WDFY4: variants seen among roughly 807,000 people sequenced by gnomAD.
The protein encoded by WDFY4 is WDFY family member 4, also known as WD repeat- and FYVE domain-containing protein 4.
WDFY4 carries 169 observed loss-of-function variants against 351.9 expected under a neutral mutation model. That is an observed-to-expected ratio of 0.48 (90% CI 0.42 to 0.55). The LOEUF is 0.55. WDFY4 is among the 20% of genes least tolerant of loss of function. The pLI is 0.00. For missense variants in WDFY4, 3,803 were observed against 3,935.6 expected (o/e 0.97, Z 0.90); for synonymous variants, 1,622 against 1,574.6 (o/e 1.03, Z -0.71).
In WDFY4 at chr10:48,828,863, G is replaced by A. The variant is rs2068089044; in HGVS notation, c.6307G>A (p.Glu2103Lys). 7.3e-7 allele frequency: 1 copy of A among 1,372,908 alleles called. No individual in the cohort carries two copies. The highest frequency in any genetic ancestry group is 4.0e-5 in the East Asian group (1 of 25,308). The allele number at this position is 1,372,908 out of a possible 1,614,324, so 85.0% of individuals were successfully genotyped here. Residue 2103 changes from glutamate (E) to lysine (K), a missense_variant, in exon 37 of 62, where the codon GAA becomes AAA. Physicochemically the swap from Glu to Lys is moderately conservative, Grantham distance 56. Coordinates refer to ENST00000325239, the MANE Select transcript of WDFY4 (RefSeq NM_001394531.1). ...VFLSPNEDVK[E>K]KREDLPSLSD... The stretch of plus-strand genomic sequence containing the variant: ...CCTTTCCCCAAATGAAGACGTGAAA[G>A]AAAAAAGAGAAGACTTACCAAGTTT...
In WDFY4 at chr10:48,743,110, C is replaced by G; in HGVS notation, c.2021C>G (p.Pro674Arg). ...PPLQAWGAVS[P>R]RQTLELVLYT... ...CTGCAGGCATGGGGAGCAGTATCCC[C>G]CAGACAGACCCTGGAGCTGGTTTTG... Residue 674 changes from proline to arginine, a missense_variant, in exon 12 of 62, where the codon CCC (proline) becomes CGC (arginine). Pro to Arg is a moderately radical substitution (Grantham distance 103). This residue lies in a region of WDFY4 where 3,054 missense variants were observed against 3,148.6 expected (regional missense o/e 0.97). Coordinates refer to ENST00000325239, the MANE Select transcript of WDFY4 (RefSeq NM_001394531.1). 6.4e-7 allele frequency: 1 copy of G among 1,551,704 alleles called. No homozygotes were observed. Among genetic ancestry groups the G allele is most frequent in the Non-Finnish European group, 8.7e-7 (1 of 1,146,986 alleles).
rs1044164416 is a variant in WDFY4, at chr10:48,867,333, C to T, written c.6732C>T (p.Asp2244=). The T allele has an allele frequency of 3.3e-6, 5 of 1,495,862 alleles. No individual in the cohort carries two copies. In the African/African-American group the frequency reaches 7.0e-5, roughly 21 times the overall value. The allele number at this position is 1,495,862 out of a possible 1,614,324, so 92.7% of individuals were successfully genotyped here. A position where few individuals can be genotyped will look rare whatever the true frequency, so the allele number is the denominator to read the frequency against. ...AGCTATATGCATCTTTATACAAAGA[C>T]CATGTGCAAGTAAGAAACAAAACAT... ...GQELYASLYK[D]HVQRRKCGNI... is the part of the protein sequence containing the mutation. Residue 2244 remains aspartate (D), a synonymous_variant, in exon 40 of 62, where the codon GAC becomes GAT. Coordinates refer to ENST00000325239, the MANE Select transcript of WDFY4 (RefSeq NM_001394531.1).
chr10:48,942,534 C>T (rs1005524709), intron 48 of WDFY4, among the ~76,000 whole-genome samples: 8 of 152,202 alleles, frequency 5.3e-5, no homozygotes, highest in African/African-American at 1.9e-4. Context: ...GGAAGATACA[C>T]GTGGCTCCCA....
In WDFY4 at chr10:48,969,092, G is replaced by A. The variant is rs1328466260; in HGVS notation, c.8613G>A (p.Glu2871=). Reference sequence around the variant, plus strand: ...TGTACCTCTTTTCTCTAGGCTCAGAGTCCCCCAAAGGGGCCATTGGCCACA... The same window carrying A: ...TGTACCTCTTTTCTCTAGGCTCAGAATCCCCCAAAGGGGCCATTGGCCACA... ...KDMYLFSLGS[E]SPKGAIGHIV... Residue 2871 remains glutamate, a synonymous_variant, in exon 56 of 62, where the codon GAG becomes GAA. Coordinates refer to ENST00000325239, the MANE Select transcript of WDFY4 (RefSeq NM_001394531.1). 1 of 1,551,582 alleles carries A rather than the reference G, an allele frequency of 6.4e-7. No individual in the cohort carries two copies. The highest frequency in any genetic ancestry group is 8.7e-7 in the Non-Finnish European group (1 of 1,146,870).
intron 12 of WDFY4, among the ~76,000 whole-genome samples, chr10:48,757,455 G>A (rs1485274033): frequency 6.6e-6 from 1 of 151,942 alleles, no homozygotes; most frequent in Non-Finnish European, 1.5e-5. Flanking sequence ...TTTGATTACT[G>A]TTAGGATGGT....
intron 49 of WDFY4, among the ~76,000 whole-genome samples, chr10:48,943,770 A>AT (rs1467507591): frequency 6.6e-6 from 1 of 151,634 alleles, no homozygotes; most frequent in African/African-American, 2.4e-5. Context: ...TTTTTTTTGT[A>AT]TTTTAGTAGA....
At chr10:48,955,057 G>T (rs748055811) in intron 51 of WDFY4, among the ~76,000 whole-genome samples, 38 of 152,264 alleles carry the variant, frequency 2.5e-4, no homozygotes, top group Non-Finnish European at 3.8e-4. Flanking sequence ...CATAAAAGCT[G>T]CAAAAGGGAA....
In WDFY4 at chr10:48,981,341, ACTCTTCT is replaced by A. The variant is rs1241219646; in HGVS notation, c.9377-22_9377-16del. Reference sequence around the variant, plus strand: ...TGTGCGAAGCCGATCTGGCGTTCTAACTCTTCTCTCACATGCTCCACACAGGCCACAA... The same window carrying A: ...TGTGCGAAGCCGATCTGGCGTTCTAACTCACATGCTCCACACAGGCCACAA... On this transcript the variant is annotated intron_variant, in intron 60 of 61. Transcript: ENST00000325239. The A allele has an allele frequency of 1.9e-6, 3 of 1,549,742 alleles. No homozygotes were observed. The South Asian group carries it at 3.6e-5, about 18-fold the overall frequency.
At chr10:48,979,227 C>G (rs1211801475) in intron 60 of WDFY4, among the ~76,000 whole-genome samples, 1 of 152,172 alleles carries the variant, frequency 6.6e-6, no homozygotes, top group African/African-American at 2.4e-5. Context: ...TTCTGTTTCT[C>G]TAGGGTACTT....
At chr10:48,768,863 A>T (rs943294637) in intron 13 of WDFY4, among the ~76,000 whole-genome samples, 4 of 152,192 alleles carry the variant, frequency 2.6e-5, no homozygotes, top group African/African-American at 9.7e-5. Context: ...CCTCTTGAGT[A>T]ATAAGCAGGA....
At chr10:48,736,425 A>G (rs1455896227) in intron 11 of WDFY4, among the ~76,000 whole-genome samples, 1 of 152,190 alleles carries the variant, frequency 6.6e-6, no homozygotes, top group Non-Finnish European at 1.5e-5. Flanking sequence ...TTTCTGTCCA[A>G]TTTTCTTTAG....
At chr10:48,950,956 C>T (rs2133798873) in intron 51 of WDFY4, among the ~76,000 whole-genome samples, 1 of 152,314 alleles carries the variant, frequency 6.6e-6, no homozygotes, top group South Asian at 2.1e-4. Context: ...TGTGGCACAC[C>T]CAGTGCGGTC....
At chr10:48,794,509 GCCA>G (rs1207377105) in intron 23 of WDFY4, among the ~76,000 whole-genome samples, 2 of 152,030 alleles carry the variant, frequency 1.3e-5, no homozygotes, top group Non-Finnish European at 2.9e-5. Context: ...GAGGGTCATC[GCCA>G]CCATGATGAT....
chr10:48,820,993 G>A, intron 33 of WDFY4, 69 bp from the exon 34 acceptor site: 1 of 1,099,390 alleles, frequency 9.1e-7, no homozygotes, highest in Non-Finnish European at 1.4e-6. Context: ...CCAGGCTAGG[G>A]AGGCGGTGGG....
chr10:48,955,889 G>A (rs763504035), intron 51 of WDFY4, among the ~76,000 whole-genome samples: 8 of 152,126 alleles, frequency 5.3e-5, no homozygotes, highest in Non-Finnish European at 1.2e-4. Context: ...TTCCACATGT[G>A]TGCTCTGCAG....
Position 48,826,772 on chromosome 10 carries a change from C to T in WDFY4, c.6084C>T (p.Ser2028=). The part of the protein sequence containing the change: ...ILYCLSKPQQ[S]LSECLGLLSI... ...ATTGCCTATCCAAGCCCCAGCAGTC[C>T]CTCTCCGAATGCCTCGGCCTTCTCA... The change falls in exon 36 of 62, where the codon TCC becomes TCT. Residue 2028 remains serine, a synonymous_variant. Transcript: ENST00000325239. 1.9e-6 allele frequency: 3 copies of T among 1,551,902 alleles called. No homozygotes were observed. The highest frequency in any genetic ancestry group is 2.6e-6 in the Non-Finnish European group (3 of 1,147,052).
At chr10:48,708,335 G>A (rs1375934135) in intron 1 of WDFY4, among the ~76,000 whole-genome samples, 1 of 152,186 alleles carries the variant, frequency 6.6e-6, no homozygotes, top group Non-Finnish European at 1.5e-5. Flanking sequence ...TAGCCTTCAA[G>A]GAATGTGTGT....
At chr10:48,903,468 T>C (rs761577855) in intron 47 of WDFY4, among the ~76,000 whole-genome samples, 13 of 152,208 alleles carry the variant, frequency 8.5e-5, no homozygotes, top group Admixed American at 2.6e-4. Context: ...GAGATGATGG[T>C]GGCTTGGATC....
chr10:48,895,924 C>T (rs924655886), intron 44 of WDFY4, among the ~76,000 whole-genome samples: 1 of 152,140 alleles, frequency 6.6e-6, no homozygotes, highest in Non-Finnish European at 1.5e-5. Flanking sequence ...CCTCATCACA[C>T]GTGGGTCCCT....
Sources: allele counts gnomAD v4.1 joint callset (sites outside exome capture counted in the v4.1 genomes callset), GRCh38; gene constraint gnomAD v4.1.1; regional missense constraint gnomAD v4.1.1; transcripts MANE v1.5; gene names NCBI Gene and HGNC (gene_info 2026-07-23, HGNC 2026-07-21).